Variants in GGA2 observed in about 807,000 individuals in gnomAD.
The protein encoded by GGA2 is ADP-ribosylation factor-binding protein GGA2.
GGA2 carries 48 observed loss-of-function variants against 79.5 expected under a neutral mutation model. The observed-to-expected ratio is 0.60, with a 90% CI of 0.48 to 0.77. The LOEUF (loss-of-function observed/expected upper bound fraction) is 0.77, where lower values mean the gene tolerates loss of function less well. Ranked by LOEUF, GGA2 falls within the 30% of genes least tolerant of loss-of-function variation. GGA2 has a pLI of 0.00. For missense variants in GGA2, 770 were observed against 774.0 expected, an observed-to-expected ratio of 0.99 and a Z score of 0.06; for synonymous variants, 317 against 302.0, an observed-to-expected ratio of 1.05 and a Z score of -0.51.
chr16:23,466,183 TTAAGAGC>T lies in GGA2; in HGVS notation c.*1400_*1406del, dbSNP rs1458915974. 2 of 152,146 alleles carry T rather than the reference TTAAGAGC, an allele frequency of 1.3e-5. No individual in the cohort carries two copies. The highest frequency in any genetic ancestry group is 2.4e-5 in the African/African-American group (1 of 41,430). The allele number at this position is 152,146 out of a possible 1,614,324, so 9.4% of individuals were successfully genotyped here. On this transcript the variant is annotated 3_prime_UTR_variant, in exon 17 of 17. Transcript: ENST00000309859. Reference sequence around the variant, plus strand: ...ACTGTAAAAATATCAGATATTGTAATTAAGAGCTCCAAACAAGTCTTGCAGTTTCAAA... The same window carrying T: ...ACTGTAAAAATATCAGATATTGTAATTCCAAACAAGTCTTGCAGTTTCAAA...
At chr16:23,472,162 A>G (rs1964518959) in intron 14 of GGA2, among the ~76,000 whole-genome samples, 1 of 146,580 alleles carries the variant, frequency 6.8e-6, no homozygotes, top group Non-Finnish European at 1.5e-5. Context: ...CCTGGCATCC[A>G]AAGATGTTCT....
chr16:23,478,968 A>C (rs781714939), intron 11 of GGA2, 57 bp from the exon 12 acceptor site: 1 of 1,165,348 alleles, frequency 8.6e-7, no homozygotes, highest in Admixed American at 1.7e-5. Context: ...CTTCCAGATG[A>C]AGAGTAATGC....
chr16:23,491,292 G>A (rs1454045739), intron 5 of GGA2, among the ~76,000 whole-genome samples: 1 of 119,254 alleles, frequency 8.4e-6, no homozygotes, highest in Non-Finnish European at 1.7e-5. Flanking sequence ...AGGTAACAGG[G>A]CAACACCTTG....
Position 23,516,803 on chromosome 16 carries a change from TGG to T in GGA2, c.61+2782_61+2783del, listed in dbSNP as rs201145223. 9.3e-3 allele frequency among the ~76,000 whole-genome samples: 1,418 copies of T among 152,252 alleles called. 23 individuals are homozygous for T. The highest frequency in any genetic ancestry group is 0.033 in the African/African-American group (1,362 of 41,538). ...TCCCCAGCAGGGATGGCTAAAAATT[TGG>T]AAGTTGAGTAGAGGGAGGGTACTTA... is the stretch of plus-strand genomic sequence containing the variant. On this transcript the variant is annotated intron_variant, in intron 2 of 5. Coordinates refer to the GGA2 transcript ENST00000569300.
intron 4 of GGA2, among the ~76,000 whole-genome samples, chr16:23,492,401 A>G (rs759750321): frequency 6.6e-6 from 1 of 152,206 alleles, no homozygotes; most frequent in Non-Finnish European, 1.5e-5. Context: ...CTATGTGGCC[A>G]ATGATTTGAC....
At position 23,480,725 on chromosome 16, in the gene GGA2, A is replaced by G; in HGVS notation, c.926T>C (p.Leu309Pro). Residue 309 changes from leucine to proline, a missense_variant, in exon 10 of 17, where the codon CTG (leucine) becomes CCG (proline). Coordinates refer to ENST00000309859, the MANE Select transcript of GGA2 (RefSeq NM_015044.4). Reference protein sequence around the residue: ...ANDLLTQGVLLYKQVMEGRVT... With the variant: ...ANDLLTQGVLPYKQVMEGRVT... ...CCGGCCCTCCATCACCTGTTTGTAC[A>G]GCAGAACTCCTTGGGTGAGGAGGTC... is the stretch of plus-strand genomic sequence containing the variant. 1 of 1,613,300 alleles carries G rather than the reference A, an allele frequency of 6.2e-7. No individual in the cohort carries two copies. The highest frequency in any genetic ancestry group is 8.5e-7 in the Non-Finnish European group (1 of 1,179,202).
chr16:23,483,093 C>A, intron 8 of GGA2, 89 bp from the exon 9 acceptor site: 1 of 794,136 alleles, frequency 1.3e-6, no homozygotes. Context: ...ATCAGGCAGA[C>A]GGCAGAGTCT....
intron 4 of GGA2, 59 bp downstream of exon 4, chr16:23,493,301 G>C (rs567378573): frequency 2.3e-5 from 23 of 1,005,226 alleles, no homozygotes; most frequent in Non-Finnish European, 3.2e-5. Flanking sequence ...GAGGGAGCCA[G>C]GAGTTTGACA....
chr16:23,485,028 C>A (rs1964694502), intron 8 of GGA2, among the ~76,000 whole-genome samples: 1 of 152,198 alleles, frequency 6.6e-6, no homozygotes, highest in African/African-American at 2.4e-5. Context: ...TGTGGCATAG[C>A]CACACAATGG....
At chr16:23,480,888 C>A in intron 9 of GGA2, 118 bp from the exon 10 acceptor site, 1 of 925,350 alleles carries the variant, frequency 1.1e-6, no homozygotes, top group Non-Finnish European at 1.7e-6. Context: ...TTTATCCACA[C>A]CTCCTGCCTC....
Position 23,470,082 on chromosome 16 carries a change from G to C in GGA2, c.1534C>G (p.Pro512Ala). Residue 512 changes from proline to alanine, a missense_variant, in exon 15 of 17, where the codon CCA (proline) becomes GCA (alanine). Coordinates refer to ENST00000309859, the MANE Select transcript of GGA2 (RefSeq NM_015044.4). ...HFSQTGAPGH[P>A]EVQVLLLTMM... ...GTCAAGAGCAGCACCTGTACCTCTG[G>C]GTGCCCAGGGGCTCCCGTCTGGGAG... is the stretch of plus-strand genomic sequence containing the variant. The C allele has an allele frequency of 1.2e-6, 2 of 1,610,144 alleles. No individual in the cohort carries two copies. Among genetic ancestry groups the C allele is most frequent in the Non-Finnish European group, 1.7e-6 (2 of 1,178,292 alleles).
intron 14 of GGA2, among the ~76,000 whole-genome samples, chr16:23,473,029 T>TA (rs1471602741): frequency 2.1e-5 from 1 of 48,332 alleles, no homozygotes. Flanking sequence ...AGACTCTGTC[T>TA]CCAAAAAAAA....
rs1157697758 is a variant in GGA2, at chr16:23,470,133, T to A, written c.1483A>T (p.Asn495Tyr). The change falls in exon 15 of 17, where the codon AAT (asparagine) becomes TAT (tyrosine). Residue 495 changes from asparagine (N) to tyrosine (Y), a missense_variant. Physicochemically the swap from Asn to Tyr is moderately radical, Grantham distance 143. Transcript: ENST00000309859. ...SLPPLIVYDRNGFRILLHFSQ... is the reference protein window; with the variant it reads ...SLPPLIVYDRYGFRILLHFSQ... ...AAGTGGAGCAGAATTCTGAATCCAT[T>A]CCGGTCATACACAATGAGAGGCGGC... The A allele has an allele frequency of 1.2e-6, 2 of 1,608,490 alleles. No individual in the cohort carries two copies. Among genetic ancestry groups the A allele is most frequent in the Non-Finnish European group, 1.7e-6 (2 of 1,177,806 alleles).
intron 11 of GGA2, 40 bp from the exon 12 acceptor site, chr16:23,478,951 C>A: frequency 4.3e-6 from 6 of 1,385,104 alleles, no homozygotes; most frequent in Non-Finnish European, 6.2e-6. Flanking sequence ...AACAGTAACT[C>A]CACCTGCTTC....
chr16:23,490,485 A>G (rs1258506858), intron 5 of GGA2, among the ~76,000 whole-genome samples: 1 of 152,130 alleles, frequency 6.6e-6, no homozygotes, highest in Non-Finnish European at 1.5e-5. Context: ...CTGTAATTCC[A>G]GCACTTTGGG....
chr16:23,483,161 A>G (rs1380738340), intron 8 of GGA2, among the ~76,000 whole-genome samples, 157 bp from the exon 9 acceptor site: 1 of 152,194 alleles, frequency 6.6e-6, no homozygotes, highest in African/African-American at 2.4e-5. Flanking sequence ...TTGAAGTAAC[A>G]TGACAGAGTT....
At chr16:23,475,307 A>G (rs1964563693) in intron 13 of GGA2, among the ~76,000 whole-genome samples, 1 of 150,376 alleles carries the variant, frequency 6.6e-6, no homozygotes, top group African/African-American at 2.4e-5. Flanking sequence ...CTCCTGACTC[A>G]GCCTCCCGAG....
At chr16:23,471,702 C>G (rs773922811) in intron 14 of GGA2, among the ~76,000 whole-genome samples, 5 of 152,094 alleles carry the variant, frequency 3.3e-5, no homozygotes, top group Non-Finnish European at 5.9e-5. Flanking sequence ...GAGTTCAAAA[C>G]CAGCCTGGGC....
chr16:23,480,597 A>G (rs2142121423), intron 10 of GGA2, 48 bp downstream of exon 10: 3 of 1,543,404 alleles, frequency 1.9e-6, no homozygotes, highest in Non-Finnish European at 2.7e-6. Flanking sequence ...TCTGGGAATT[A>G]CAGGCTGCCC....
Sources: gnomAD v4.1 joint callset for allele counts (sites outside exome capture counted in the v4.1 genomes callset) on GRCh38, gnomAD v4.1.1 for gene constraint, MANE v1.5 for transcripts, NCBI Gene and HGNC (gene_info 2026-07-23, HGNC 2026-07-21) for gene names.